DGKB: variants seen among roughly 807,000 people sequenced by gnomAD.
DGKB encodes diacylglycerol kinase beta, also known as 90 kDa diacylglycerol kinase.
A neutral mutation model predicts 114.3 loss-of-function variants in DGKB; 67 were observed. The ratio of observed to expected loss-of-function variants is 0.59; its 90% CI spans 0.48 to 0.72. The LOEUF (loss-of-function observed/expected upper bound fraction) is 0.72. DGKB is among the 30% of genes least tolerant of loss of function. The probability of loss-of-function intolerance (pLI) is 0.00; values close to 1 mark genes in which losing one functional copy is unlikely to be tolerated. For synonymous variants in DGKB, 398 were observed against 323.1 expected, an observed-to-expected ratio of 1.23 and a Z score of -2.49; for missense variants, 907 against 975.2, an observed-to-expected ratio of 0.93 and a Z score of 0.93.
chr7:14,751,976 C>T (rs1564101837), intron 4 of DGKB, among the ~76,000 whole-genome samples: 1 of 152,148 alleles, frequency 6.6e-6, no homozygotes. Flanking sequence ...AGACACAGAG[C>T]TATTTATTAT....
chr7:14,339,357 C>T (rs1265640070), intron 22 of DGKB, among the ~76,000 whole-genome samples: 1 of 136,134 alleles, frequency 7.3e-6, no homozygotes, highest in Non-Finnish European at 1.6e-5. Context: ...ATATGGAGGG[C>T]CGGGTAGATT....
chr7:14,774,949 A>AT (rs1332636756), intron 2 of DGKB, among the ~76,000 whole-genome samples: 2 of 152,108 alleles, frequency 1.3e-5, no homozygotes, highest in African/African-American at 2.4e-5. Flanking sequence ...AGATCATTGC[A>AT]TTTTTTATGA....
chr7:14,904,001 A>G (rs1335749502), upstream of DGKB, among the ~76,000 whole-genome samples: 1 of 152,216 alleles, frequency 6.6e-6, no homozygotes, highest in African/African-American at 2.4e-5. Flanking sequence ...TCTGTCTTCT[A>G]TTAACTTTCA....
intron 13 of DGKB, among the ~76,000 whole-genome samples, chr7:14,642,314 A>T (rs1423837153): frequency 6.6e-6 from 1 of 152,116 alleles, no homozygotes; most frequent in African/African-American, 2.4e-5. Flanking sequence ...ATAAAACTTT[A>T]TGTATGGCAT....
chr7:14,945,311 G>A (rs997946306), intron 1 of DGKB, among the ~76,000 whole-genome samples: 2 of 151,818 alleles, frequency 1.3e-5, no homozygotes, highest in African/African-American at 4.8e-5. Context: ...GAAGGTGGAG[G>A]TGTGCTTGTC....
chr7:14,259,232 G>C (rs781718100), intron 23 of DGKB, among the ~76,000 whole-genome samples: 3 of 152,050 alleles, frequency 2.0e-5, no homozygotes, highest in Non-Finnish European at 2.9e-5. Context: ...TGTAGAAATT[G>C]TTGACATAAA....
intron 20 of DGKB, among the ~76,000 whole-genome samples, chr7:14,499,336 G>C (rs1328781806): frequency 6.6e-6 from 1 of 151,632 alleles, no homozygotes; most frequent in African/African-American, 2.4e-5. Flanking sequence ...CAGGAAGCAA[G>C]TCTTCATTTG....
At chr7:14,646,743 C>A (rs1261429409) in intron 13 of DGKB, among the ~76,000 whole-genome samples, 1 of 149,038 alleles carries the variant, frequency 6.7e-6, no homozygotes, top group African/African-American at 2.4e-5. Context: ...GAATGACAAA[C>A]AGGTCAATAA....
intron 2 of DGKB, among the ~76,000 whole-genome samples, chr7:14,805,298 C>CT (rs1842661127): frequency 1.3e-5 from 2 of 152,086 alleles, no homozygotes; most frequent in African/African-American, 4.8e-5. Flanking sequence ...TTGCAGGCTG[C>CT]TGCCTTAGGG....
intron 20 of DGKB, among the ~76,000 whole-genome samples, chr7:14,517,622 AC>A (rs1439083749): frequency 6.6e-6 from 1 of 152,138 alleles, no homozygotes; most frequent in African/African-American, 2.4e-5. Flanking sequence ...CAAGGAAAAA[AC>A]AAAACACCTC....
At chr7:14,176,545 A>AT (rs1258629941) in intron 25 of DGKB, 4 of 1,070,306 alleles carry the variant, frequency 3.7e-6, no homozygotes, top group Non-Finnish European at 4.6e-6. Flanking sequence ...TTTTATTAAT[A>AT]TTTTGTTTAG....
intron 23 of DGKB, among the ~76,000 whole-genome samples, chr7:14,185,537 C>T (rs948472947): frequency 4.0e-5 from 6 of 151,754 alleles, no homozygotes; most frequent in Admixed American, 3.9e-4. Flanking sequence ...CATATAGAAC[C>T]AAAAAAGAGC....
At chr7:14,425,521 C>G (rs1214463670) in intron 21 of DGKB, among the ~76,000 whole-genome samples, 1 of 151,996 alleles carries the variant, frequency 6.6e-6, no homozygotes, top group Admixed American at 6.6e-5. Flanking sequence ...AAAATTTATG[C>G]AAAGATACCT....
Position 14,891,078 on chromosome 7 carries a change from C to T in DGKB, c.-188+11514G>A, listed in dbSNP as rs571031315. Among the ~76,000 whole-genome samples, 5 of 151,412 alleles carry T rather than the reference C, an allele frequency of 3.3e-5. No individual in the cohort carries two copies. The East Asian group carries it at 9.7e-4, about 29-fold the overall frequency. On this transcript the variant is annotated intron_variant, in intron 1 of 25. Transcript: ENST00000402815. Reference sequence around the variant, plus strand: ...ATATGGTAACGTACAGGTACTTGTTCAGCATCAGTACAAACCATACTGATA... The same window carrying T: ...ATATGGTAACGTACAGGTACTTGTTTAGCATCAGTACAAACCATACTGATA...
intron 20 of DGKB, among the ~76,000 whole-genome samples, chr7:14,516,647 G>A (rs1788840424): frequency 6.6e-6 from 1 of 152,126 alleles, no homozygotes; most frequent in Admixed American, 6.5e-5. Flanking sequence ...TTATGAATGG[G>A]ATTGCATTCT....
At chr7:14,661,400 G>A (rs1363878465) in intron 13 of DGKB, among the ~76,000 whole-genome samples, 3 of 142,574 alleles carry the variant, frequency 2.1e-5, no homozygotes, top group Non-Finnish European at 4.6e-5. Context: ...CGAAGGACAT[G>A]AACAGACACT....
chr7:14,391,140 C>A (rs898490501), intron 21 of DGKB, among the ~76,000 whole-genome samples: 1 of 152,294 alleles, frequency 6.6e-6, no homozygotes, highest in East Asian at 1.9e-4. Context: ...TAAATAATAA[C>A]TTTACCGATT....
At chr7:14,572,782 T>C (rs1292894123) in intron 20 of DGKB, among the ~76,000 whole-genome samples, 3 of 152,224 alleles carry the variant, frequency 2.0e-5, no homozygotes. Flanking sequence ...AAAAACTTCA[T>C]GCTAGGTGAA....
intron 2 of DGKB, among the ~76,000 whole-genome samples, chr7:14,808,101 T>G (rs1254158728): frequency 6.6e-6 from 1 of 152,060 alleles, no homozygotes; most frequent in Non-Finnish European, 1.5e-5. Flanking sequence ...AGAATGCTCT[T>G]TAGAGGTTCC....
Sources: gnomAD v4.1 joint callset for allele counts (sites outside exome capture counted in the v4.1 genomes callset) on GRCh38, gnomAD v4.1.1 for gene constraint, MANE v1.5 for transcripts, NCBI Gene and HGNC (gene_info 2026-07-23, HGNC 2026-07-21) for gene names.